The following LGR5 variants were observed in gnomAD, a reference collection of about 807,000 sequenced individuals.
LGR5 encodes the protein leucine-rich repeat-containing G protein-coupled receptor 5.
Under a neutral mutation model 76.7 loss-of-function variants are expected in LGR5, and 54 were observed. The observed-to-expected ratio is 0.70, with a 90% CI of 0.57 to 0.88. The LOEUF (loss-of-function observed/expected upper bound fraction) is 0.88. Ranked by LOEUF, LGR5 falls within the 40% of genes least tolerant of loss-of-function variation. The probability of loss-of-function intolerance (pLI) is 0.00; values close to 1 mark genes in which losing one functional copy is unlikely to be tolerated. For missense variants in LGR5, 1,078 were observed against 1,073.3 expected (o/e 1.00, Z -0.06); for synonymous variants, 406 against 421.9 (o/e 0.96, Z 0.46).
At chr12:71,504,140 TG>T (rs1160771921) in intron 1 of LGR5, among the ~76,000 whole-genome samples, 16 of 151,430 alleles carry the variant, frequency 1.1e-4, no homozygotes, top group African/African-American at 3.4e-4. Flanking sequence ...GTTTTGTTGT[TG>T]TTGTTGTTTT....
upstream of LGR5, chr12:71,439,777 G>C: frequency 2.8e-6 from 1 of 357,480 alleles, no homozygotes; most frequent in East Asian, 5.0e-5. Context: ...TTTAAAAAAC[G>C]AGCGTGCAAG....
rs568004726 is a variant in LGR5 at position 71,478,696 on chromosome 12, G to A, written c.213-25918G>A. 5.3e-5 allele frequency among the ~76,000 whole-genome samples: 8 copies of A among 152,080 alleles called. No homozygotes were observed. The South Asian group carries it at 1.2e-3, about 24-fold the overall frequency. On this transcript the variant is annotated intron_variant, in intron 1 of 17. Transcript: ENST00000266674. The stretch of plus-strand genomic sequence containing the variant: ...CATCAGTATGCATAGGATTATTTTA[G>A]TTTAAAGAAAGGGAATGTTTAAAAT...
At chr12:71,545,194 C>G (rs1273364349) in intron 4 of LGR5, among the ~76,000 whole-genome samples, 1 of 152,162 alleles carries the variant, frequency 6.6e-6, no homozygotes, top group Non-Finnish European at 1.5e-5. Context: ...CCCTGTAGTC[C>G]TAACACTTTC....
intron 4 of LGR5, among the ~76,000 whole-genome samples, chr12:71,551,857 T>C (rs1050584674): frequency 1.3e-5 from 2 of 152,208 alleles, no homozygotes; most frequent in Non-Finnish European, 2.9e-5. Context: ...GTTAATTTTA[T>C]TATTCATTTA....
Position 71,582,933 on chromosome 12 carries a change from T to C in LGR5, c.1636+394T>C, listed in dbSNP as rs982206041. Among the ~76,000 whole-genome samples, 4 of 140,156 alleles carry C rather than the reference T, an allele frequency of 2.9e-5. 1 individual carries two copies. Among genetic ancestry groups the C allele is most frequent in the African/African-American group, 1.1e-4 (4 of 37,180 alleles). 91.9% of individuals were successfully genotyped at this position (140,156 alleles called of 152,430 possible). A position where few individuals can be genotyped will look rare whatever the true frequency, so the allele number is the denominator to read the frequency against. On this transcript the variant is annotated intron_variant, in intron 17 of 17. Transcript: ENST00000266674. The stretch of plus-strand genomic sequence containing the variant: ...TTTGGTAAAAGCAAATAATAGTTTG[T>C]ACAGATAAGAGGAAGGAAGGAAGGA...
intron 1 of LGR5, among the ~76,000 whole-genome samples, chr12:71,493,634 T>C (rs56148196): frequency 0.024 from 3,641 of 151,276 alleles, 358 homozygotes; most frequent in African/African-American, 0.085. Context: ...AATGAGTTTG[T>C]GGATTTAGAA....
At chr12:71,578,966 G>T in intron 15 of LGR5, 37 bp downstream of exon 15, 2 of 1,559,322 alleles carry the variant, frequency 1.3e-6, no homozygotes, top group Non-Finnish European at 1.7e-6. Context: ...ATACATTTGT[G>T]GTCATGTGAA....
intron 3 of LGR5, among the ~76,000 whole-genome samples, chr12:71,533,301 C>A (rs12369494): frequency 0.01 from 1,593 of 152,192 alleles, 19 homozygotes; most frequent in Non-Finnish European, 0.015. Context: ...GCCGAGATTG[C>A]GCCACTGCAC....
chr12:71,440,911 T>C lies in LGR5; in HGVS notation c.212+619T>C, dbSNP rs754051522. 2.0e-5 allele frequency among the ~76,000 whole-genome samples: 3 copies of C among 152,164 alleles called. No homozygotes were observed. Among genetic ancestry groups the C allele is most frequent in the African/African-American group, 4.8e-5 (2 of 41,432 alleles). ...CTTTTTTAACGGCGTGATTAAAATG[T>C]GGCAACCACAAACCCCGATTAGAGC... is the stretch of plus-strand genomic sequence containing the variant. On this transcript the variant is annotated intron_variant, in intron 1 of 17. Transcript: ENST00000266674. This position sits in a 1 kb window ranked among gnomAD's most constrained non-coding sequence, Gnocchi z 5.3.
chr12:71,570,164 G>C (rs938387969), intron 11 of LGR5, among the ~76,000 whole-genome samples: 1 of 152,130 alleles, frequency 6.6e-6, no homozygotes, highest in African/African-American at 2.4e-5. Flanking sequence ...GCCGGGGGAG[G>C]GTGGGAAGGG....
At chr12:71,534,718 G>A (rs1372599103) in intron 3 of LGR5, among the ~76,000 whole-genome samples, 2 of 152,144 alleles carry the variant, frequency 1.3e-5, no homozygotes, top group Admixed American at 6.5e-5. Context: ...CCAGCCTCCA[G>A]CCCTTGTACT....
rs1277245958 is a variant in LGR5, at chr12:71,584,263, G to C, written c.2253G>C (p.Leu751Phe). 1.2e-6 allele frequency: 2 copies of C among 1,614,144 alleles called. No homozygotes were observed. ...TIAYTKLYCNLDKGDLENIWD... is the reference protein window; with the variant it reads ...TIAYTKLYCNFDKGDLENIWD... ...CCTACACCAAGCTCTACTGCAATTT[G>C]GACAAGGGAGACCTGGAGAATATTT... The change falls in exon 18 of 18, where the codon TTG becomes TTC. Residue 751 changes from leucine (L) to phenylalanine (F), a missense_variant. Leu to Phe is a conservative substitution (Grantham distance 22). Transcript: ENST00000266674.
intron 1 of LGR5, among the ~76,000 whole-genome samples, chr12:71,502,774 G>T (rs7305750): frequency 6.6e-5 from 10 of 152,152 alleles, no homozygotes; most frequent in Non-Finnish European, 1.5e-4. Context: ...GTGAATGCTT[G>T]CATAAGCCTC....
chr12:71,553,174 TC>T lies in LGR5; in HGVS notation c.534del (p.Val179SerfsTer13). ...LWLDDNALTE[I>X]PVQAFRSLSA... ...CTGGATGACAATGCGTTAACAGAAA[TC>T]CCCGTCCAGGCTTTTAGAAGTTTAT... On this transcript the variant is annotated frameshift_variant, in exon 5 of 18. Transcript: ENST00000266674. LOFTEE classifies it high-confidence loss of function. 6.2e-7 allele frequency: 1 copy of T among 1,613,952 alleles called. No homozygotes were observed. The highest frequency in any genetic ancestry group is 8.5e-7 in the Non-Finnish European group (1 of 1,179,990).
At chr12:71,583,607 C>A in intron 17 of LGR5, 40 bp from the exon 18 acceptor site, 1 of 1,565,308 alleles carries the variant, frequency 6.4e-7, no homozygotes, top group Non-Finnish European at 8.7e-7. Context: ...GTTGTAAACC[C>A]TAATTTGATA....
intron 2 of LGR5, among the ~76,000 whole-genome samples, chr12:71,517,592 C>T (rs1292106211): frequency 1.3e-5 from 2 of 151,840 alleles, no homozygotes; most frequent in African/African-American, 4.9e-5. Flanking sequence ...AGCTGATAAA[C>T]ACCTAGTTGA....
chr12:71,578,496 G>T (rs951416524), intron 14 of LGR5, among the ~76,000 whole-genome samples: 4 of 152,140 alleles, frequency 2.6e-5, no homozygotes, highest in African/African-American at 9.7e-5. Flanking sequence ...TCCTAATCTA[G>T]TCAGCATCAC....
chr12:71,523,682 G>C (rs973648696), intron 2 of LGR5, among the ~76,000 whole-genome samples: 1 of 152,040 alleles, frequency 6.6e-6, no homozygotes, highest in African/African-American at 2.4e-5. Context: ...ACATGTTTCA[G>C]GTACCACATC....
chr12:71,582,245 C>T (rs1002846956), intron 16 of LGR5: 1 of 487,138 alleles, frequency 2.1e-6, no homozygotes, highest in African/African-American at 1.9e-5. Flanking sequence ...TTGGGTCACT[C>T]TCCCTCACCC....
Sources: allele counts gnomAD v4.1 joint callset (sites outside exome capture counted in the v4.1 genomes callset), GRCh38; gene constraint gnomAD v4.1.1; non-coding constraint Gnocchi (gnomAD v3.1); transcripts MANE v1.5; gene names NCBI Gene and HGNC (gene_info 2026-07-23, HGNC 2026-07-21).